Variants in LHPP observed in about 807,000 individuals in gnomAD.
LHPP encodes the protein phospholysine phosphohistidine inorganic pyrophosphate phosphatase, also known as hLHPP.
LHPP carries 24 observed loss-of-function variants against 30.3 expected under a neutral mutation model. That is an observed-to-expected ratio of 0.79 (90% confidence interval 0.57 to 1.11). The LOEUF is 1.11. Among genes scored for constraint, LHPP ranks in the 50% most tolerant of loss-of-function variants. LHPP has a pLI of 0.00. For synonymous variants in LHPP, 150 were observed against 157.1 expected, an observed-to-expected ratio of 0.95 and a Z score of 0.34; for missense variants, 356 against 367.2, an observed-to-expected ratio of 0.97 and a Z score of 0.25.
At chr10:124,520,425 T>C (rs1342373513) in intron 6 of LHPP, among the ~76,000 whole-genome samples, 1 of 151,980 alleles carries the variant, frequency 6.6e-6, no homozygotes, top group Admixed American at 6.6e-5. Context: ...GGGGAGCACG[T>C]GCGGCCACTA....
At position 124,561,860 on chromosome 10, in the gene LHPP, A is replaced by G. The variant is rs548776877; in HGVS notation, c.716+44589A>G. 9.2e-5 allele frequency among the ~76,000 whole-genome samples: 14 copies of G among 152,362 alleles called. No individual in the cohort carries two copies. In the South Asian group the frequency reaches 2.9e-3, roughly 32 times the overall value. On this transcript the variant is annotated intron_variant, in intron 6 of 6. Transcript: ENST00000368842. ...TCATGCTAAGAACCAAGGAAACCCC[A>G]ACATGAATAAGAAGAGAAGACCAAC...
At chr10:124,530,918 CCTT>C (rs35463098) in intron 6 of LHPP, among the ~76,000 whole-genome samples, 96,740 of 151,798 alleles carry the variant, frequency 0.64, 31,042 homozygotes, top group South Asian at 0.78. Context: ...ACCAGCCCGT[CCTT>C]CTTGTCTCCC....
chr10:124,543,334 G>A (rs1955249358), intron 6 of LHPP, among the ~76,000 whole-genome samples: 2 of 152,238 alleles, frequency 1.3e-5, no homozygotes, highest in Admixed American at 1.3e-4. Context: ...GACACCCCCG[G>A]TCGGCCCAGG....
intron 6 of LHPP, among the ~76,000 whole-genome samples, chr10:124,570,399 C>T (rs1026720065): frequency 2.6e-5 from 4 of 152,206 alleles, no homozygotes; most frequent in East Asian, 1.9e-4. Flanking sequence ...AGGGGACAGT[C>T]GGTGAGCTGA....
intron 4 of LHPP, among the ~76,000 whole-genome samples, 188 bp downstream of exon 4, chr10:124,497,212 CCTCCCTCCCCATCT>C (rs1179112488): frequency 2.0e-5 from 3 of 150,698 alleles, no homozygotes; most frequent in Non-Finnish European, 4.4e-5. Flanking sequence ...CAGCTGTCCT[CCTCCCTCCCCATCT>C]CTCCCTTCCC....
At chr10:124,563,333 A>T (rs1948433471) in intron 6 of LHPP, among the ~76,000 whole-genome samples, 4 of 97,542 alleles carry the variant, frequency 4.1e-5, no homozygotes, top group Admixed American at 1.2e-4. Flanking sequence ...TTTTTTGCAT[A>T]AAATCCAGAT....
chr10:124,537,503 C>T (rs928889076), intron 6 of LHPP, among the ~76,000 whole-genome samples: 1 of 152,238 alleles, frequency 6.6e-6, no homozygotes, highest in Admixed American at 6.5e-5. Flanking sequence ...GGTGGAGACT[C>T]CTGTCCACTG....
chr10:124,538,041 C>T (rs571270177), intron 6 of LHPP, among the ~76,000 whole-genome samples: 1 of 152,354 alleles, frequency 6.6e-6, no homozygotes, highest in Admixed American at 6.5e-5. Flanking sequence ...CCTGAGCCTC[C>T]CACCCCAGGC....
chr10:124,501,629 A>G (rs1953903700), intron 5 of LHPP, among the ~76,000 whole-genome samples: 1 of 148,812 alleles, frequency 6.7e-6, no homozygotes. Flanking sequence ...AAAGAAAAAT[A>G]TTCTGGAACT....
At chr10:124,472,633 A>G (rs1411968863) in intron 1 of LHPP, among the ~76,000 whole-genome samples, 1 of 150,056 alleles carries the variant, frequency 6.7e-6, no homozygotes, top group Non-Finnish European at 1.5e-5. Flanking sequence ...ATCTCAGCTC[A>G]CTGCAACCTT....
chr10:124,515,362 C>G (rs927471684), intron 5 of LHPP, among the ~76,000 whole-genome samples: 31 of 152,080 alleles, frequency 2.0e-4, no homozygotes, highest in Admixed American at 1.5e-3. Context: ...TTTCTTTTAT[C>G]TTCCATTTCT....
intron 6 of LHPP, among the ~76,000 whole-genome samples, chr10:124,597,010 G>A (rs1948952439): frequency 6.6e-6 from 1 of 152,184 alleles, no homozygotes; most frequent in Admixed American, 6.5e-5. Context: ...GGAGGAAGGT[G>A]GGAAGACTTT....
At chr10:124,475,204 A>T (rs968399497) in intron 1 of LHPP, among the ~76,000 whole-genome samples, 3 of 151,528 alleles carry the variant, frequency 2.0e-5, no homozygotes, top group African/African-American at 7.3e-5. Flanking sequence ...TGTATTTTAA[A>T]TAGAGATGGG....
intron 1 of LHPP, among the ~76,000 whole-genome samples, chr10:124,472,338 G>A (rs938122481): frequency 2.0e-5 from 3 of 152,162 alleles, no homozygotes; most frequent in African/African-American, 7.2e-5. Flanking sequence ...GTCTGCAGCA[G>A]TGAACCACAC....
chr10:124,612,571 G>A (rs545658619), intron 6 of LHPP, among the ~76,000 whole-genome samples: 1 of 152,322 alleles, frequency 6.6e-6, no homozygotes, highest in East Asian at 1.9e-4. Context: ...AGGGCCCGGA[G>A]GCCTCTGCAC....
chr10:124,469,748 G>A (rs934645018), intron 1 of LHPP, among the ~76,000 whole-genome samples: 1 of 152,140 alleles, frequency 6.6e-6, no homozygotes, highest in African/African-American at 2.4e-5. Context: ...GGGATGTGCA[G>A]CAGTGAACAG....
At chr10:124,491,266 C>T (rs578144870) in intron 3 of LHPP, among the ~76,000 whole-genome samples, 29 of 152,298 alleles carry the variant, frequency 1.9e-4, no homozygotes, top group East Asian at 1.7e-3. Context: ...GAGGCGGTGG[C>T]GGAGGAAGTG....
At chr10:124,480,679 T>G (rs2133839980) in intron 1 of LHPP, among the ~76,000 whole-genome samples, 1 of 152,302 alleles carries the variant, frequency 6.6e-6, no homozygotes, top group South Asian at 2.1e-4. Context: ...ACTGCCTAAT[T>G]TAAAAATAAA....
intron 1 of LHPP, among the ~76,000 whole-genome samples, chr10:124,465,843 G>A (rs1206068507): frequency 1.3e-5 from 2 of 152,226 alleles, no homozygotes; most frequent in Non-Finnish European, 2.9e-5. Context: ...GATCACAGGC[G>A]TGAGCCACTG....
Sources: allele counts gnomAD v4.1 joint callset (sites outside exome capture counted in the v4.1 genomes callset), GRCh38; gene constraint gnomAD v4.1.1; transcripts MANE v1.5; gene names NCBI Gene and HGNC (gene_info 2026-07-23, HGNC 2026-07-21).